BNIP3: variants seen among roughly 807,000 people sequenced by gnomAD.
BNIP3 encodes BCL2/adenovirus E1B 19 kDa protein-interacting protein 3.
BNIP3 carries 16 observed loss-of-function variants against 23.9 expected under a neutral mutation model. The observed-to-expected ratio is 0.67, with a 90% CI of 0.45 to 1.01. BNIP3 has a LOEUF of 1.01. Ranked by LOEUF, BNIP3 falls within the 50% of genes least tolerant of loss-of-function variation. The pLI is 0.00. For synonymous variants in BNIP3, 81 were observed against 89.3 expected (o/e 0.91, Z 0.53); for missense variants, 198 against 248.7 (o/e 0.80, Z 1.37).
intron 5 of BNIP3, chr10:131,969,495 G>C (rs1170620348): frequency 6.6e-6 from 1 of 152,280 alleles, no homozygotes; most frequent in Non-Finnish European, 1.5e-5. Context: ...CGGGTTATGG[G>C]GGGGACGTGA....
chr10:131,980,063 G>A (rs2037107689), intron 1 of BNIP3, among the ~76,000 whole-genome samples: 1 of 152,248 alleles, frequency 6.6e-6, no homozygotes, highest in Admixed American at 6.5e-5. Flanking sequence ...CGCCTACATG[G>A]GATCCACCCC....
intron 1 of BNIP3, among the ~76,000 whole-genome samples, chr10:131,978,941 A>AGAGACC (rs1375323369): frequency 6.6e-6 from 1 of 152,230 alleles, no homozygotes; most frequent in Non-Finnish European, 1.5e-5. Context: ...AGAGAACAAA[A>AGAGACC]GAGACCCGCC....
At chr10:131,973,463 A>G (rs939131158) in intron 2 of BNIP3, 2 of 436,292 alleles carry the variant, frequency 4.6e-6, no homozygotes, top group Admixed American at 3.6e-5. Flanking sequence ...GGAGTCACTC[A>G]GAAGTACTGC....
chr10:131,973,787 G>T lies in BNIP3; in HGVS notation c.197+6C>A. 1 of 1,612,008 alleles carries T rather than the reference G, an allele frequency of 6.2e-7. No homozygotes were observed. The highest frequency in any genetic ancestry group is 8.5e-7 in the Non-Finnish European group (1 of 1,179,876). On this transcript the variant is annotated splice_donor_region_variant and intron_variant, in intron 2 of 5. Coordinates refer to ENST00000368636, the MANE Select transcript of BNIP3 (RefSeq NM_004052.4). Reference sequence around the variant, plus strand: ...GTAACACATACACTTGTTGATGCGCGCCTACCTGTCACAGTGAGAGCTCTT... The same window carrying T: ...GTAACACATACACTTGTTGATGCGCTCCTACCTGTCACAGTGAGAGCTCTT...
intron 3 of BNIP3, chr10:131,971,174 C>T (rs1254292058): frequency 8.6e-6 from 5 of 578,422 alleles, no homozygotes; most frequent in African/African-American, 3.8e-5. Flanking sequence ...ACAGCACGCT[C>T]GCCGCCTCCA....
At position 131,973,052 on chromosome 10, in the gene BNIP3, T is replaced by A. The variant is rs181336845; in HGVS notation, c.264A>T (p.Gly88=). ...RASETDTHSI[G]EKNSSQSEED... is the part of the protein sequence containing the mutation. ...AGCTTACCTGTGAGCTGTTTTTCTC[T>A]CCAATGCTATGGGTATCTGTTTCAG... The change falls in exon 3 of 6, where the codon GGA becomes GGT. Residue 88 remains glycine, a synonymous_variant. Transcript: ENST00000368636. 1 of 1,613,758 alleles carries A rather than the reference T, an allele frequency of 6.2e-7. No homozygotes were observed. The highest frequency in any genetic ancestry group is 8.5e-7 in the Non-Finnish European group (1 of 1,179,626).
chr10:131,971,022 G>A, intron 3 of BNIP3, 52 bp from the exon 4 acceptor site: 1 of 1,537,662 alleles, frequency 6.5e-7, no homozygotes, highest in South Asian at 1.1e-5. Context: ...CGTGACACGG[G>A]AAAGCACCCA....
chr10:131,979,420 T>A (rs2037102169), intron 1 of BNIP3, among the ~76,000 whole-genome samples: 1 of 152,168 alleles, frequency 6.6e-6, no homozygotes, highest in Admixed American at 6.5e-5. Flanking sequence ...AGGTGAGGGC[T>A]TGGATTATTA....
rs1294709566 is a variant in BNIP3 at position 131,981,760 on chromosome 10, C to T, written c.46+1G>A. Reference sequence around the variant, plus strand: ...CTCCCGCGCCGCCTCCTCCGCCTCACCCTGCAGGCTCTCCTCCTGCATCCC... The same window carrying T: ...CTCCCGCGCCGCCTCCTCCGCCTCATCCTGCAGGCTCTCCTCCTGCATCCC... On this transcript the variant is annotated splice_donor_variant, in intron 1 of 5. Coordinates refer to ENST00000368636, the MANE Select transcript of BNIP3 (RefSeq NM_004052.4). LOFTEE classifies it high-confidence loss of function. The T allele has an allele frequency of 1.4e-5, 20 of 1,475,436 alleles. No homozygotes were observed. Among genetic ancestry groups the T allele is most frequent in the Non-Finnish European group, 1.4e-5 (16 of 1,118,230 alleles). The allele number at this position is 1,475,436 out of a possible 1,614,324, so 91.4% of individuals were successfully genotyped here. A position where few individuals can be genotyped will look rare whatever the true frequency, so the allele number is the denominator to read the frequency against.
Position 131,970,559 on chromosome 10 carries a change from C to T in BNIP3, c.539+79G>A. On this transcript the variant is annotated intron_variant, in intron 5 of 5. Coordinates refer to ENST00000368636, the MANE Select transcript of BNIP3 (RefSeq NM_004052.4). The surrounding 1 kb of genome is among the most constrained non-coding windows in gnomAD (Gnocchi z 4.1). ...AACTGATGATCTGGACTTCAGGAAA[C>T]AGGTTACGAATAAATCACTGCAACC... 1 of 1,521,070 alleles carries T rather than the reference C, an allele frequency of 6.6e-7. No individual in the cohort carries two copies. Among genetic ancestry groups the T allele is most frequent in the Admixed American group, 1.9e-5 (1 of 53,908 alleles). The allele number at this position is 1,521,070 out of a possible 1,614,324, so 94.2% of individuals were successfully genotyped here. A position where few individuals can be genotyped will look rare whatever the true frequency, so the allele number is the denominator to read the frequency against.
Position 131,974,050 on chromosome 10 carries a change from T to C in BNIP3, c.47-107A>G, listed in dbSNP as rs980955335. 3.5e-6 allele frequency: 5 copies of C among 1,434,290 alleles called. No individual in the cohort carries two copies. In the African/African-American group the frequency reaches 7.1e-5, roughly 20 times the overall value. 88.8% of individuals were successfully genotyped at this position (1,434,290 alleles called of 1,614,324 possible). On this transcript the variant is annotated intron_variant, in intron 1 of 5. Coordinates refer to ENST00000368636, the MANE Select transcript of BNIP3 (RefSeq NM_004052.4). ...TTCCATTTCCAAGAGGTAGCAATGG[T>C]GCCACACCAGGAACCATCCCTCAAC...
rs779641950 is a variant in BNIP3 at position 131,970,718 on chromosome 10, T to C, written c.459A>G (p.Lys153=). The C allele has an allele frequency of 1.2e-6, 2 of 1,614,232 alleles. No homozygotes were observed. The highest frequency in any genetic ancestry group is 1.7e-6 in the Non-Finnish European group (2 of 1,180,034). Residue 153 remains lysine (K), a synonymous_variant, in exon 5 of 6, where the codon AAA becomes AAG. Transcript: ENST00000368636. The surrounding 1 kb of genome is among the most constrained non-coding windows in gnomAD (Gnocchi z 4.1). ...GAAATTCTGCAGAGAATATGCCCCC[T>C]TTCTTCATGACGCTCGTGTTCCTCA... ...LSMRNTSVMK[K]GGIFSAEFLK...
chr10:131,973,735 CTG>C, intron 2 of BNIP3, 56 bp downstream of exon 2: 1 of 1,592,806 alleles, frequency 6.3e-7, no homozygotes, highest in South Asian at 1.1e-5. Context: ...CCAGCTGTGA[CTG>C]TCACCCACTG....
chr10:131,972,893 T>G, intron 3 of BNIP3, 141 bp downstream of exon 3: 1 of 781,876 alleles, frequency 1.3e-6, no homozygotes, highest in Non-Finnish European at 2.0e-6. Flanking sequence ...GTTTTTTTGT[T>G]TCGCTTTTTT....
chr10:131,974,381 T>C (rs1373312695), intron 1 of BNIP3, among the ~76,000 whole-genome samples: 1 of 152,238 alleles, frequency 6.6e-6, no homozygotes, highest in Non-Finnish European at 1.5e-5. Context: ...TTAAAAGGTT[T>C]AAGCTCTATT....
In BNIP3 at chr10:131,968,288, A is replaced by G. The variant is rs771083059; in HGVS notation, c.*236T>C. The G allele has an allele frequency of 9.3e-5, 33 of 354,194 alleles. No individual in the cohort carries two copies. The highest frequency in any genetic ancestry group is 1.5e-4 in the Non-Finnish European group (30 of 195,392). 21.9% of individuals were successfully genotyped at this position (354,194 alleles called of 1,614,324 possible). A position where few individuals can be genotyped will look rare whatever the true frequency, so the allele number is the denominator to read the frequency against. ...AATATCAAATGAAAATTTACTACCA[A>G]ATTTTCACAGTAGACATTAATCAGT... On this transcript the variant is annotated 3_prime_UTR_variant, in exon 6 of 6. Transcript: ENST00000368636.
At position 131,981,457 on chromosome 10, in the gene BNIP3, A is replaced by G. The variant is rs2037118036; in HGVS notation, c.46+304T>C. 60 of 406,960 alleles carry G rather than the reference A, an allele frequency of 1.5e-4. No homozygotes were observed. In the East Asian group the frequency reaches 2.2e-3, roughly 15 times the overall value. 25.2% of individuals were successfully genotyped at this position (406,960 alleles called of 1,614,324 possible). On this transcript the variant is annotated intron_variant, in intron 1 of 5. Transcript: ENST00000368636. ...AACTGCGAGACGCAGATTCACCTCC[A>G]GGTGGAATTCTAGCTCGCGCGGAGC...
intron 5 of BNIP3, chr10:131,969,562 CGGG>C (rs2037004257): frequency 6.6e-6 from 1 of 152,252 alleles, no homozygotes; most frequent in Non-Finnish European, 1.5e-5. Context: ...GGTGGAGACA[CGGG>C]CAGCGCTCAG....
At chr10:131,977,624 G>A (rs911288231) in intron 1 of BNIP3, among the ~76,000 whole-genome samples, 1 of 152,254 alleles carries the variant, frequency 6.6e-6, no homozygotes, top group Non-Finnish European at 1.5e-5. Context: ...GCCCCTTAGA[G>A]CACTAATCCC....
Sources: allele counts gnomAD v4.1 joint callset (sites outside exome capture counted in the v4.1 genomes callset), GRCh38; gene constraint gnomAD v4.1.1; non-coding constraint Gnocchi (gnomAD v3.1); transcripts MANE v1.5; gene names NCBI Gene and HGNC (gene_info 2026-07-23, HGNC 2026-07-21).